Variants in LHFPL2 observed in about 807,000 individuals in gnomAD.
LHFPL2 encodes LHFPL tetraspan subfamily member 2 protein.
A neutral mutation model predicts 17.5 loss-of-function variants in LHFPL2; 7 were observed. That is an observed-to-expected ratio of 0.40 (90% CI 0.23 to 0.75). The LOEUF (loss-of-function observed/expected upper bound fraction) is 0.75. Ranked by LOEUF, LHFPL2 falls within the 30% of genes least tolerant of loss-of-function variation. The pLI is 0.37. For synonymous variants in LHFPL2, 134 were observed against 116.2 expected (o/e 1.15, Z -0.99); for missense variants, 241 against 294.8 (o/e 0.82, Z 1.34).
At chr5:78,513,053 C>A (rs1755185681) in intron 3 of LHFPL2, among the ~76,000 whole-genome samples, 3 of 152,300 alleles carry the variant, frequency 2.0e-5, no homozygotes, top group Admixed American at 2.0e-4. Context: ...CCACCCCTGC[C>A]TGAATGTAAT....
intron 2 of LHFPL2, among the ~76,000 whole-genome samples, chr5:78,606,896 TG>T (rs913003765): frequency 2.0e-5 from 3 of 151,280 alleles, no homozygotes; most frequent in African/African-American, 7.3e-5. Flanking sequence ...AGGCTGGTCT[TG>T]AACTCCTGAC....
rs191623192 is a variant in LHFPL2, at chr5:78,602,054, C to T, written c.-245+30210G>A. Among the ~76,000 whole-genome samples the T allele has an allele frequency of 8.3e-3, 1,267 of 152,234 alleles. 15 individuals are homozygous for T. Among genetic ancestry groups the T allele is most frequent in the African/African-American group, 0.027 (1,130 of 41,538 alleles). On this transcript the variant is annotated intron_variant, in intron 2 of 4. Coordinates refer to ENST00000380345, the MANE Select transcript of LHFPL2 (RefSeq NM_005779.3). Reference sequence around the variant, plus strand: ...CTTCCCCCTACTCCTCTCAAAAAAACTCATGAAATATGGTACTACTTTGAA... The same window carrying T: ...CTTCCCCCTACTCCTCTCAAAAAAATTCATGAAATATGGTACTACTTTGAA...
intron 2 of LHFPL2, chr5:78,625,999 A>G (rs1047521653): frequency 6.6e-6 from 1 of 152,220 alleles, no homozygotes; most frequent in Non-Finnish European, 1.5e-5. Flanking sequence ...TTACATATAG[A>G]CATATAGGTC....
At chr5:78,578,841 C>T (rs1215646063) in intron 2 of LHFPL2, among the ~76,000 whole-genome samples, 5 of 152,140 alleles carry the variant, frequency 3.3e-5, no homozygotes, top group Admixed American at 6.5e-5. Context: ...ATGTTTGTTC[C>T]CAGCTACCTG....
intron 3 of LHFPL2, among the ~76,000 whole-genome samples, chr5:78,516,287 A>G (rs757322848): frequency 2.0e-5 from 3 of 152,152 alleles, no homozygotes; most frequent in African/African-American, 4.8e-5. Context: ...GCTTTTGCCA[A>G]TTTCCTTGGC....
chr5:78,542,648 T>C (rs1184567300), intron 3 of LHFPL2, among the ~76,000 whole-genome samples: 2 of 152,170 alleles, frequency 1.3e-5, no homozygotes, highest in African/African-American at 4.8e-5. Flanking sequence ...AGGCCACCTC[T>C]TCCAGGGAAG....
intron 3 of LHFPL2, among the ~76,000 whole-genome samples, chr5:78,522,488 A>G (rs1307846303): frequency 3.9e-5 from 6 of 152,222 alleles, no homozygotes; most frequent in Admixed American, 3.9e-4. Context: ...CTGACCTCCC[A>G]AACCAAAGAA....
At chr5:78,511,048 A>G (rs1256585343) in intron 3 of LHFPL2, among the ~76,000 whole-genome samples, 2 of 151,946 alleles carry the variant, frequency 1.3e-5, no homozygotes, top group East Asian at 3.9e-4. Context: ...TACTTTATCC[A>G]TTTTTCACAG....
chr5:78,609,450 CAAAAAAAAAA>C (rs71613975), intron 2 of LHFPL2, among the ~76,000 whole-genome samples: 3 of 40,684 alleles, frequency 7.4e-5, no homozygotes, highest in Non-Finnish European at 1.4e-4. Flanking sequence ...GACTCAGTCT[CAAAAAAAAAA>C]AAAAAAAAAA....
At chr5:78,566,621 C>T (rs1281647948) in intron 2 of LHFPL2, among the ~76,000 whole-genome samples, 3 of 152,124 alleles carry the variant, frequency 2.0e-5, no homozygotes, top group African/African-American at 7.2e-5. Flanking sequence ...CCACCTCCAG[C>T]TAATTTTTGT....
intron 2 of LHFPL2, among the ~76,000 whole-genome samples, chr5:78,612,405 C>G (rs1744450873): frequency 6.6e-6 from 1 of 152,186 alleles, no homozygotes; most frequent in South Asian, 2.1e-4. Flanking sequence ...CTCCAGAACT[C>G]TGAAAATATG....
Position 78,644,492 on chromosome 5 carries a change from G to A in LHFPL2, c.-350+4007C>T. ...ATTTCTTTACAACTCACCAATGGTA[G>A]GCCGGGATGTTCTGCTTTGATTTTT... On this transcript the variant is annotated intron_variant, in intron 1 of 4. Coordinates refer to ENST00000380345, the MANE Select transcript of LHFPL2 (RefSeq NM_005779.3). 2.1e-5 allele frequency: 13 copies of A among 610,762 alleles called. No homozygotes were observed. In the South Asian group the frequency reaches 2.5e-4, roughly 12 times the overall value. 37.8% of individuals were successfully genotyped at this position (610,762 alleles called of 1,614,324 possible).
intron 2 of LHFPL2, among the ~76,000 whole-genome samples, chr5:78,581,408 G>T (rs1220361389): frequency 6.6e-6 from 1 of 152,280 alleles, no homozygotes; most frequent in East Asian, 1.9e-4. Flanking sequence ...TACACATTCA[G>T]TATGATATTG....
chr5:78,545,291 A>G (rs1222813668), intron 3 of LHFPL2, among the ~76,000 whole-genome samples: 1 of 152,226 alleles, frequency 6.6e-6, no homozygotes, highest in Non-Finnish European at 1.5e-5. Flanking sequence ...CGAAGGCTCT[A>G]TCTCAGCAAA....
At chr5:78,609,479 G>C (rs1405376325) in intron 2 of LHFPL2, among the ~76,000 whole-genome samples, 2 of 132,628 alleles carry the variant, frequency 1.5e-5, no homozygotes, top group African/African-American at 3.0e-5. Context: ...AAAAAAAAGA[G>C]AGAGAGCTTG....
chr5:78,490,030 C>T (rs1754385734), intron 4 of LHFPL2, among the ~76,000 whole-genome samples: 1 of 152,186 alleles, frequency 6.6e-6, no homozygotes, highest in South Asian at 2.1e-4. Context: ...TTAAGTAAGC[C>T]AGATGTTTCT....
intron 2 of LHFPL2, chr5:78,624,808 T>C (rs989249802): frequency 5.3e-5 from 8 of 151,912 alleles, no homozygotes; most frequent in Non-Finnish European, 8.8e-5. Context: ...CTTTTCTTTT[T>C]TTTTTTTTCT....
intron 4 of LHFPL2, 60 bp from the exon 5 acceptor site, chr5:78,489,213 C>CTGT: frequency 6.3e-7 from 1 of 1,588,200 alleles, no homozygotes; most frequent in Non-Finnish European, 8.6e-7. Flanking sequence ...CTGTCCAGAT[C>CTGT]TGTTGTAATT....
chr5:78,523,012 A>T (rs961313628), intron 3 of LHFPL2, among the ~76,000 whole-genome samples: 2 of 152,164 alleles, frequency 1.3e-5, no homozygotes, highest in Non-Finnish European at 2.9e-5. Flanking sequence ...TTCTTAATAG[A>T]AGTCAAGAAG....
Sources: allele counts gnomAD v4.1 joint callset (sites outside exome capture counted in the v4.1 genomes callset), GRCh38; gene constraint gnomAD v4.1.1; transcripts MANE v1.5; gene names NCBI Gene and HGNC (gene_info 2026-07-23, HGNC 2026-07-21).